Variants in SNX29 observed in about 807,000 individuals in gnomAD.
The protein encoded by SNX29 is sorting nexin 29.
In SNX29, 78 loss-of-function variants were observed where a neutral mutation model predicts 102.1. The observed-to-expected ratio is 0.76, with a 90% confidence interval of 0.64 to 0.92. The LOEUF (loss-of-function observed/expected upper bound fraction) is 0.92, where lower values mean the gene tolerates loss of function less well. Among genes scored for constraint, SNX29 ranks in the 40% least tolerant of loss-of-function variants. The pLI, the probability that SNX29 is intolerant of heterozygous loss-of-function variation, is 0.00. For missense variants in SNX29, 1,280 were observed against 1,061.7 expected (o/e 1.21, Z -2.86); for synonymous variants, 580 against 414.5 (o/e 1.40, Z -4.85).
intron 19 of SNX29, among the ~76,000 whole-genome samples, chr16:12,518,594 G>A (rs1719643894): frequency 6.6e-6 from 1 of 152,186 alleles, no homozygotes; most frequent in Admixed American, 6.5e-5. Context: ...CTCCCTGCGA[G>A]GTTCCCTGAG....
At chr16:12,474,764 T>C (rs899248119) in intron 18 of SNX29, among the ~76,000 whole-genome samples, 39 of 152,342 alleles carry the variant, frequency 2.6e-4, no homozygotes, top group African/African-American at 8.9e-4. Context: ...TAAAGTGCAT[T>C]GATCTCTCTC....
At chr16:12,045,121 T>G (rs983760855) in intron 5 of SNX29, among the ~76,000 whole-genome samples, 2 of 152,182 alleles carry the variant, frequency 1.3e-5, no homozygotes, top group Non-Finnish European at 2.9e-5. Context: ...ATTATGATTT[T>G]AGGAATCAGG....
chr16:12,090,632 C>A (rs559339743), intron 11 of SNX29, among the ~76,000 whole-genome samples: 1 of 152,298 alleles, frequency 6.6e-6, no homozygotes, highest in African/African-American at 2.4e-5. Flanking sequence ...GGTTTCTCTC[C>A]AGATGGCCTC....
rs147372708 is a variant in SNX29, at chr16:12,545,876, C to T, written c.2318+21035C>T. 7.8e-3 allele frequency among the ~76,000 whole-genome samples: 1,188 copies of T among 152,146 alleles called. 14 individuals carry two copies. The highest frequency in any genetic ancestry group is 0.024 in the African/African-American group (976 of 41,490). On this transcript the variant is annotated intron_variant, in intron 20 of 20. Transcript: ENST00000566228. ...TCTCCTTGAGAGGGTGAGCCTAAGCCGTGGGCATTGGGGTGGGGTACCTGG... is the reference window on the plus strand; with the variant it reads ...TCTCCTTGAGAGGGTGAGCCTAAGCTGTGGGCATTGGGGTGGGGTACCTGG...
At chr16:12,134,588 C>T (rs1019749061) in intron 13 of SNX29, among the ~76,000 whole-genome samples, 5 of 152,194 alleles carry the variant, frequency 3.3e-5, no homozygotes, top group Non-Finnish European at 4.4e-5. Flanking sequence ...GAGAAGAGAG[C>T]GCACCCAAGA....
chr16:12,279,561 T>A (rs1190660604), intron 15 of SNX29, among the ~76,000 whole-genome samples: 1 of 152,192 alleles, frequency 6.6e-6, no homozygotes, highest in Non-Finnish European at 1.5e-5. Flanking sequence ...CAGACTTGGC[T>A]GGTGGCAGTG....
intron 1 of SNX29, among the ~76,000 whole-genome samples, chr16:11,997,988 G>A (rs2056150315): frequency 6.6e-6 from 1 of 152,172 alleles, no homozygotes. Context: ...AAGATGAAGG[G>A]AGATGATGCA....
Position 12,573,738 on chromosome 16 carries a change from T to G in SNX29, c.*5109T>G, listed in dbSNP as rs2079235009. The stretch of plus-strand genomic sequence containing the variant: ...GCACACGGAATGGTGGATCGTACAT[T>G]TGCACCCAGAGCTACTAAACGCTCA... On this transcript the variant is annotated 3_prime_UTR_variant, in exon 21 of 21. Transcript: ENST00000566228. The G allele has an allele frequency of 9.0e-6, 2 of 222,742 alleles. No homozygotes were observed. The highest frequency in any genetic ancestry group is 1.3e-4 in the East Asian group (2 of 15,402). 13.8% of individuals were successfully genotyped at this position (222,742 alleles called of 1,614,324 possible).
At chr16:12,544,747 A>G (rs1334036372) in intron 20 of SNX29, among the ~76,000 whole-genome samples, 1 of 152,176 alleles carries the variant, frequency 6.6e-6, no homozygotes, top group Non-Finnish European at 1.5e-5. Flanking sequence ...AGAGAGGTGA[A>G]GGGACGTGCT....
intron 20 of SNX29, among the ~76,000 whole-genome samples, chr16:12,545,141 C>G (rs1021023131): frequency 3.3e-5 from 5 of 152,240 alleles, no homozygotes; most frequent in African/African-American, 4.8e-5. Context: ...CCTAGCACAG[C>G]TATGAAGTAC....
chr16:12,397,902 A>G (rs1263367009), intron 16 of SNX29, among the ~76,000 whole-genome samples: 1 of 152,112 alleles, frequency 6.6e-6, no homozygotes, highest in Non-Finnish European at 1.5e-5. Context: ...CCACCATGCC[A>G]CACAGTTTAG....
At chr16:12,403,620 G>T in intron 18 of SNX29, 91 bp downstream of exon 18, 4 of 1,261,904 alleles carry the variant, frequency 3.2e-6, no homozygotes, top group Admixed American at 2.0e-5. Flanking sequence ...TGGTGGTGGG[G>T]CGCTATGATT....
At chr16:12,276,790 C>G (rs2151009587) in intron 14 of SNX29, among the ~76,000 whole-genome samples, 1 of 152,244 alleles carries the variant, frequency 6.6e-6, no homozygotes, top group East Asian at 1.9e-4. Flanking sequence ...TTGTTTTTCC[C>G]TGCAGAGTGG....
intron 10 of SNX29, among the ~76,000 whole-genome samples, chr16:12,074,444 G>T (rs2051447825): frequency 1.3e-5 from 2 of 152,008 alleles, no homozygotes; most frequent in South Asian, 4.2e-4. Flanking sequence ...AGTTTGGCTG[G>T]ATATGAAATT....
intron 20 of SNX29, among the ~76,000 whole-genome samples, chr16:12,561,427 C>A (rs529419381): frequency 6.6e-6 from 1 of 152,182 alleles, no homozygotes; most frequent in Non-Finnish European, 1.5e-5. Flanking sequence ...AGCTGGGTTG[C>A]AGGGATCCAG....
intron 19 of SNX29, among the ~76,000 whole-genome samples, chr16:12,511,388 G>A (rs758246359): frequency 3.3e-5 from 5 of 152,036 alleles, no homozygotes; most frequent in Non-Finnish European, 7.4e-5. Flanking sequence ...GGATATTACT[G>A]TCTATTTCCC....
chr16:12,068,068 A>C (rs11075044), intron 9 of SNX29, among the ~76,000 whole-genome samples: 2 of 151,970 alleles, frequency 1.3e-5, no homozygotes, highest in East Asian at 3.9e-4. Flanking sequence ...TGTCTGATTC[A>C]AGGCACTACA....
chr16:12,303,532 A>G (rs2080247879), intron 15 of SNX29, among the ~76,000 whole-genome samples: 1 of 152,208 alleles, frequency 6.6e-6, no homozygotes, highest in African/African-American at 2.4e-5. Flanking sequence ...AGAATGGAAC[A>G]GGAGGTAGGT....
At chr16:12,534,004 C>T (rs927476547) in intron 20 of SNX29, among the ~76,000 whole-genome samples, 4 of 152,248 alleles carry the variant, frequency 2.6e-5, no homozygotes, top group African/African-American at 7.2e-5. Flanking sequence ...CCTTAAAAGC[C>T]TTCCAGGGCA....
Sources: gnomAD v4.1 joint callset for allele counts (sites outside exome capture counted in the v4.1 genomes callset) on GRCh38, gnomAD v4.1.1 for gene constraint, MANE v1.5 for transcripts, NCBI Gene and HGNC (gene_info 2026-07-23, HGNC 2026-07-21) for gene names.